TCERG1: variants seen among roughly 807,000 people sequenced by gnomAD.
TCERG1 encodes TATA box binding protein (TBP)-associated factor, RNA polymerase II, S, 150kD.
TCERG1 carries 37 observed loss-of-function variants against 144.7 expected under a neutral mutation model. The ratio of observed to expected loss-of-function variants is 0.26; its 90% confidence interval spans 0.20 to 0.34. TCERG1 has a LOEUF of 0.34. Among genes scored for constraint, TCERG1 ranks in the 10% least tolerant of loss-of-function variants. The probability of loss-of-function intolerance (pLI) is 1.00; values close to 1 mark genes in which losing one functional copy is unlikely to be tolerated. For synonymous variants in TCERG1, 492 were observed against 458.2 expected, an observed-to-expected ratio of 1.07 and a Z score of -0.94; for missense variants, 1,027 against 1,380.7, an observed-to-expected ratio of 0.74 and a Z score of 4.06.
At chr5:146,475,228 A>G (rs1764722721) in intron 9 of TCERG1, among the ~76,000 whole-genome samples, 1 of 152,220 alleles carries the variant, frequency 6.6e-6, no homozygotes, top group Non-Finnish European at 1.5e-5. Flanking sequence ...GGTACTGTCT[A>G]ATAGGATCCT....
rs1017121141 is a variant in TCERG1, at chr5:146,509,017, C to T, written c.3046-128C>T. ...TATATGAACAAAATGTACCCTGTTGCCTTTTTCTTTTGAATTTTAAATTTT... is the reference window on the plus strand; with the variant it reads ...TATATGAACAAAATGTACCCTGTTGTCTTTTTCTTTTGAATTTTAAATTTT... On this transcript the variant is annotated intron_variant, in intron 21 of 22. Transcript: ENST00000679501. The T allele has an allele frequency of 2.9e-5, 15 of 517,386 alleles. No homozygotes were observed. The East Asian group carries it at 4.1e-4, about 14-fold the overall frequency. The allele number at this position is 517,386 out of a possible 1,614,324, so 32.0% of individuals were successfully genotyped here.
intron 4 of TCERG1, among the ~76,000 whole-genome samples, chr5:146,463,028 TCCTTAG>T (rs1186081081): frequency 2.0e-5 from 3 of 152,212 alleles, no homozygotes; most frequent in Admixed American, 6.5e-5. Context: ...AAGGGCATAC[TCCTTAG>T]CCTTTTGTTC....
At chr5:146,497,719 A>G (rs1327704854) in intron 16 of TCERG1, among the ~76,000 whole-genome samples, 1 of 152,090 alleles carries the variant, frequency 6.6e-6, no homozygotes, top group Non-Finnish European at 1.5e-5. Flanking sequence ...GTTAATGTGA[A>G]TCTCTGAAAG....
intron 4 of TCERG1, 124 bp from the exon 5 acceptor site, chr5:146,463,427 A>G: frequency 2.2e-6 from 3 of 1,392,706 alleles, no homozygotes; most frequent in Non-Finnish European, 2.9e-6. Context: ...CCTTTTGACA[A>G]ATTTCTTGCA....
chr5:146,501,887 CTTTTTT>C (rs70998087), intron 17 of TCERG1, among the ~76,000 whole-genome samples: 1 of 73,414 alleles, frequency 1.4e-5, no homozygotes, highest in African/African-American at 5.2e-5. Context: ...ATCAACTTCA[CTTTTTT>C]TTTTTTTTTT....
intron 5 of TCERG1, 74 bp from the exon 6 acceptor site, chr5:146,468,267 A>G: frequency 8.5e-7 from 1 of 1,171,256 alleles, no homozygotes; most frequent in East Asian, 2.9e-5. Context: ...GTGGTAAATT[A>G]TTTCCCTGAA....
rs1762729352 is a variant in TCERG1, at chr5:146,455,277, T to C, written c.281T>C (p.Leu94Pro). ...CCTCCACCTATGGGCCCTCCACACC[T>C]CCAGGTAAAGAATGTAGAGGTTGCC... ...GIPPPMGPPH[L>P]QRPPFMPPPM... Residue 94 changes from leucine (L) to proline (P), a missense_variant, in exon 2 of 23, where the codon CTC becomes CCC. Physicochemically the swap from Leu to Pro is moderately conservative, Grantham distance 98 (BLOSUM62 -3). Coordinates refer to ENST00000679501, the MANE Select transcript of TCERG1 (RefSeq NM_001382548.1). 2 of 1,613,984 alleles carry C rather than the reference T, an allele frequency of 1.2e-6. No homozygotes were observed. The highest frequency in any genetic ancestry group is 1.7e-6 in the Non-Finnish European group (2 of 1,179,998).
At chr5:146,485,954 C>G (rs1218422697) in intron 15 of TCERG1, among the ~76,000 whole-genome samples, 1 of 152,150 alleles carries the variant, frequency 6.6e-6, no homozygotes, top group Non-Finnish European at 1.5e-5. Flanking sequence ...CTTGGCCTCA[C>G]AAAGTGTTGG....
intron 12 of TCERG1, 71 bp from the exon 13 acceptor site, chr5:146,481,079 A>C (rs947041800): frequency 2.6e-6 from 2 of 775,930 alleles, no homozygotes; most frequent in Non-Finnish European, 3.1e-6. Context: ...CTACGATGTT[A>C]AACTTTTAGG....
intron 8 of TCERG1, 26 bp from the exon 9 acceptor site, chr5:146,471,462 A>G (rs747775889): frequency 1.9e-6 from 3 of 1,599,136 alleles, no homozygotes; most frequent in Admixed American, 1.7e-5. Context: ...ATGTGATACT[A>G]ATTAGAGTAA....
intron 1 of TCERG1, among the ~76,000 whole-genome samples, chr5:146,452,735 G>A (rs918816285): frequency 2.0e-5 from 3 of 152,086 alleles, no homozygotes; most frequent in African/African-American, 7.2e-5. Flanking sequence ...GATTACAGGC[G>A]TGCACCACCA....
intron 17 of TCERG1, among the ~76,000 whole-genome samples, chr5:146,498,990 T>A (rs1767188683): frequency 6.6e-6 from 1 of 152,208 alleles, no homozygotes; most frequent in South Asian, 2.1e-4. Flanking sequence ...CTTCTAAGAT[T>A]TCAAGATTCT....
At chr5:146,501,298 G>A (rs910549856) in intron 17 of TCERG1, among the ~76,000 whole-genome samples, 3 of 151,900 alleles carry the variant, frequency 2.0e-5, no homozygotes, top group Non-Finnish European at 2.9e-5. Context: ...AATGGTAAAT[G>A]ACATTTTTTT....
rs759394070 is a variant in TCERG1, at chr5:146,478,479, G to A, written c.1602-14G>A. 3.0e-5 allele frequency: 47 copies of A among 1,561,636 alleles called. No homozygotes were observed. Among genetic ancestry groups the A allele is most frequent in the Admixed American group, 2.3e-4 (11 of 47,152 alleles). On this transcript the variant is annotated splice_polypyrimidine_tract_variant and intron_variant, in intron 9 of 22. Coordinates refer to ENST00000679501, the MANE Select transcript of TCERG1 (RefSeq NM_001382548.1). ...CTGTAACATAAGAGAATGATATTTT[G>A]CATCAATTCTTAGGTGTGTCGTTTG...
At chr5:146,506,475 C>T (rs114771547) in intron 19 of TCERG1, among the ~76,000 whole-genome samples, 109 of 152,282 alleles carry the variant, frequency 7.2e-4, no homozygotes, top group South Asian at 1.5e-3. Flanking sequence ...AGCTGTTTAA[C>T]ATATTCATCA....
intron 16 of TCERG1, among the ~76,000 whole-genome samples, chr5:146,494,882 AC>A (rs1209507035): frequency 6.6e-6 from 1 of 152,102 alleles, no homozygotes; most frequent in Non-Finnish European, 1.5e-5. Context: ...CCTGTCACTC[AC>A]CACCAGCCAT....
At chr5:146,497,830 C>CT (rs1767073033) in intron 16 of TCERG1, among the ~76,000 whole-genome samples, 1 of 152,172 alleles carries the variant, frequency 6.6e-6, no homozygotes, top group South Asian at 2.1e-4. Context: ...TACTGACTCT[C>CT]TGTTATCTCT....
At chr5:146,498,417 A>G (rs1327351437) in intron 16 of TCERG1, 119 bp from the exon 17 acceptor site, 3 of 1,025,184 alleles carry the variant, frequency 2.9e-6, no homozygotes, top group Non-Finnish European at 4.2e-6. Flanking sequence ...TGTTAGGTAG[A>G]TGTTGAGTCC....
At position 146,486,229 on chromosome 5, in the gene TCERG1, C is replaced by T. The variant is rs192108733; in HGVS notation, c.2163+2600C>T. Among the ~76,000 whole-genome samples the T allele has an allele frequency of 3.3e-3, 496 of 152,308 alleles. 9 individuals are homozygous for T. The highest frequency in any genetic ancestry group is 0.011 in the African/African-American group (465 of 41,572). ...GCTTTGATTTAGAAAACACTAATAA[C>T]TTCATTGGAAATGCCTTGTAATACA... On this transcript the variant is annotated intron_variant, in intron 15 of 22. Coordinates refer to ENST00000679501, the MANE Select transcript of TCERG1 (RefSeq NM_001382548.1).
Sources: gnomAD v4.1 joint callset for allele counts (sites outside exome capture counted in the v4.1 genomes callset) on GRCh38, gnomAD v4.1.1 for gene constraint, MANE v1.5 for transcripts, NCBI Gene and HGNC (gene_info 2026-07-23, HGNC 2026-07-21) for gene names.